GNAI3: variants seen among roughly 807,000 people sequenced by gnomAD.
GNAI3 encodes the protein G protein subunit alpha i3, also known as guanine nucleotide-binding protein G(i) subunit alpha-3.
Under a neutral mutation model 41.8 loss-of-function variants are expected in GNAI3, and 12 were observed. The ratio of observed to expected loss-of-function variants is 0.29; its 90% confidence interval spans 0.18 to 0.47. GNAI3 has a LOEUF of 0.47. Among genes scored for constraint, GNAI3 ranks in the 20% least tolerant of loss-of-function variants. GNAI3 has a pLI of 1.00. For missense variants in GNAI3, 360 were observed against 429.6 expected (o/e 0.84, Z 1.43); for synonymous variants, 132 against 146.5 (o/e 0.90, Z 0.71).
intron 1 of GNAI3, among the ~76,000 whole-genome samples, chr1:109,570,871 A>G (rs1276367843): frequency 6.6e-6 from 1 of 152,206 alleles, no homozygotes; most frequent in Non-Finnish European, 1.5e-5. Context: ...TACAAAGTTT[A>G]TTCCACCTAC....
chr1:109,581,705 T>C (rs1409518543), intron 4 of GNAI3, among the ~76,000 whole-genome samples: 2 of 152,032 alleles, frequency 1.3e-5, no homozygotes, highest in Admixed American at 6.6e-5. Flanking sequence ...CTGGCCAACA[T>C]GGTGAAACCC....
Position 109,593,082 on chromosome 1 carries a change from A to G in GNAI3, c.*760A>G, listed in dbSNP as rs1053554140. On this transcript the variant is annotated 3_prime_UTR_variant, in exon 9 of 9. Transcript: ENST00000369851. Reference sequence around the variant, plus strand: ...ATTACCAAATTACTGCTGATGTAGTATGATAAAGTCAGCTTCTTGGATACA... The same window carrying G: ...ATTACCAAATTACTGCTGATGTAGTGTGATAAAGTCAGCTTCTTGGATACA... The G allele has an allele frequency of 6.6e-6, 1 of 152,668 alleles. No homozygotes were observed. The highest frequency in any genetic ancestry group is 1.5e-5 in the Non-Finnish European group (1 of 68,044). 9.5% of individuals were successfully genotyped at this position (152,668 alleles called of 1,614,324 possible).
chr1:109,572,196 G>C (rs1350129740), intron 1 of GNAI3, among the ~76,000 whole-genome samples: 1 of 151,972 alleles, frequency 6.6e-6, no homozygotes, highest in Non-Finnish European at 1.5e-5. Context: ...TGTAATCTCA[G>C]CTACTCAGGA....
chr1:109,553,123 T>C (rs1648034196), intron 1 of GNAI3, among the ~76,000 whole-genome samples: 1 of 152,192 alleles, frequency 6.6e-6, no homozygotes, highest in African/African-American at 2.4e-5. Flanking sequence ...TTTCAGAGGT[T>C]TTTCAGACAG....
At chr1:109,552,453 A>T (rs532458696) in intron 1 of GNAI3, among the ~76,000 whole-genome samples, 1 of 152,096 alleles carries the variant, frequency 6.6e-6, no homozygotes, top group African/African-American at 2.4e-5. Flanking sequence ...TATTTAAACA[A>T]TTAGAGATGG....
intron 4 of GNAI3, among the ~76,000 whole-genome samples, chr1:109,580,846 T>C (rs775144872): frequency 5.9e-5 from 9 of 152,236 alleles, no homozygotes; most frequent in Non-Finnish European, 1.0e-4. Flanking sequence ...AACATTGTTA[T>C]GCAGCACATG....
intron 3 of GNAI3, among the ~76,000 whole-genome samples, chr1:109,574,348 A>G (rs1365510590): frequency 2.0e-5 from 3 of 151,298 alleles, no homozygotes; most frequent in African/African-American, 7.3e-5. Context: ...ATAATAGTAC[A>G]TTAAAATAAT....
At chr1:109,586,388 G>C in intron 6 of GNAI3, 43 bp downstream of exon 6, 1 of 1,557,574 alleles carries the variant, frequency 6.4e-7, no homozygotes. Context: ...AATGTAGCCA[G>C]GAAATGGAAA....
Position 109,592,129 on chromosome 1 carries a change from A to T in GNAI3, c.961A>T (p.Thr321Ser), listed in dbSNP as rs764057747. ...AAGAAAAGATACCAAGGAGATCTAT[A>T]CTCACTTCACCTGTGCCACAGACAC... ...NRRKDTKEIY[T>S]HFTCATDTKN... The change falls in exon 8 of 9, where the codon ACT becomes TCT. Residue 321 changes from threonine to serine, a missense_variant. By Grantham distance (58) the Thr-to-Ser change is moderately conservative (BLOSUM62 1). Coordinates refer to ENST00000369851, the MANE Select transcript of GNAI3 (RefSeq NM_006496.4). 1.9e-6 allele frequency: 3 copies of T among 1,611,246 alleles called. No homozygotes were observed. In the African/African-American group the frequency reaches 4.0e-5, roughly 22 times the overall value.
Position 109,597,464 on chromosome 1 carries a change from T to C in GNAI3, c.*5142T>C, listed in dbSNP as rs1649336029. 1 of 151,850 alleles carries C rather than the reference T, an allele frequency of 6.6e-6. No homozygotes were observed. Among genetic ancestry groups the C allele is most frequent in the African/African-American group, 2.4e-5 (1 of 41,334 alleles). The allele number at this position is 151,850 out of a possible 1,614,324, so 9.4% of individuals were successfully genotyped here. A position where few individuals can be genotyped will look rare whatever the true frequency, so the allele number is the denominator to read the frequency against. On this transcript the variant is annotated 3_prime_UTR_variant, in exon 9 of 9. Transcript: ENST00000369851. The stretch of plus-strand genomic sequence containing the variant: ...GCGACAGAGTGAGTCTGTTTTTTTT[T>C]TGTTTTTTTTTAAAGTCAACACAAA...
At chr1:109,556,854 A>G (rs913581702) in intron 1 of GNAI3, among the ~76,000 whole-genome samples, 1 of 152,188 alleles carries the variant, frequency 6.6e-6, no homozygotes, top group African/African-American at 2.4e-5. Context: ...TGTTTTTGGT[A>G]GACTGACCTA....
chr1:109,566,982 A>G (rs17023550), intron 1 of GNAI3, among the ~76,000 whole-genome samples: 4,846 of 152,314 alleles, frequency 0.032, 213 homozygotes, highest in African/African-American at 0.089. Flanking sequence ...ACTTACTCCT[A>G]TGATCTTTAG....
intron 1 of GNAI3, among the ~76,000 whole-genome samples, chr1:109,564,545 T>C (rs556095476): frequency 5.3e-5 from 8 of 152,324 alleles, no homozygotes; most frequent in African/African-American, 1.7e-4. Flanking sequence ...TTGTTGTGCA[T>C]GAAGCTCTAT....
intron 1 of GNAI3, among the ~76,000 whole-genome samples, chr1:109,549,728 A>G (rs1647927014): frequency 1.3e-5 from 2 of 152,244 alleles, no homozygotes; most frequent in South Asian, 4.1e-4. Context: ...AGACTATGGT[A>G]GACTTCTGGT....
chr1:109,564,013 T>TA (rs1350576188), intron 1 of GNAI3, among the ~76,000 whole-genome samples: 2 of 151,130 alleles, frequency 1.3e-5, no homozygotes, highest in Non-Finnish European at 2.9e-5. Flanking sequence ...CTCATGTCCT[T>TA]AAAGCCTATT....
chr1:109,553,423 C>T (rs1169910182), intron 1 of GNAI3, among the ~76,000 whole-genome samples: 1 of 152,170 alleles, frequency 6.6e-6, no homozygotes, highest in African/African-American at 2.4e-5. Context: ...CTGGAATCAT[C>T]TAATTTACTT....
At position 109,595,674 on chromosome 1, in the gene GNAI3, C is replaced by T. The variant is rs1194816626; in HGVS notation, c.*3352C>T. 6.6e-6 allele frequency: 1 copy of T among 152,020 alleles called. No homozygotes were observed. The highest frequency in any genetic ancestry group is 1.5e-5 in the Non-Finnish European group (1 of 68,006). 9.4% of individuals were successfully genotyped at this position (152,020 alleles called of 1,614,324 possible). ...ATTACTTGCCTGGCCTGATTAGTTA[C>T]TTAATATAATTTATTCATTTGCTTA... On this transcript the variant is annotated 3_prime_UTR_variant, in exon 9 of 9. Transcript: ENST00000369851.
At position 109,551,742 on chromosome 1, in the gene GNAI3, G is replaced by A. The variant is rs145566780; in HGVS notation, c.118+2904G>A. Among the ~76,000 whole-genome samples the A allele has an allele frequency of 6.9e-4, 105 of 152,328 alleles. 1 individual carries two copies. The highest frequency in any genetic ancestry group is 2.5e-3 in the African/African-American group (103 of 41,570). ...CTATTCTTATTAAGTCAAAATGAAT[G>A]TTACAGATTGTAGGTATTATGGAAA... On this transcript the variant is annotated intron_variant, in intron 1 of 8. Coordinates refer to ENST00000369851, the MANE Select transcript of GNAI3 (RefSeq NM_006496.4).
chr1:109,591,725 G>A (rs1225949307), intron 7 of GNAI3: 3 of 365,136 alleles, frequency 8.2e-6, no homozygotes. Context: ...CCCTAGAAAT[G>A]CACCTTCCTA....
Sources: gnomAD v4.1 joint callset for allele counts (sites outside exome capture counted in the v4.1 genomes callset) on GRCh38, gnomAD v4.1.1 for gene constraint, MANE v1.5 for transcripts, NCBI Gene and HGNC (gene_info 2026-07-23, HGNC 2026-07-21) for gene names.